CCDC91: variants seen among roughly 807,000 people sequenced by gnomAD.
The protein encoded by CCDC91 is coiled-coil domain containing 91.
A neutral mutation model predicts 63.2 loss-of-function variants in CCDC91; 48 were observed. The ratio of observed to expected loss-of-function variants is 0.76; its 90% confidence interval spans 0.60 to 0.97. The LOEUF (loss-of-function observed/expected upper bound fraction) is 0.97, where lower values mean the gene tolerates loss of function less well. Ranked by LOEUF, CCDC91 falls within the 50% of genes least tolerant of loss-of-function variation. The pLI is 0.00. For missense variants in CCDC91, 500 were observed against 494.6 expected, an observed-to-expected ratio of 1.01 and a Z score of -0.10; for synonymous variants, 167 against 165.8, an observed-to-expected ratio of 1.01 and a Z score of -0.06.
At chr12:28,524,417 A>G (rs1941062454) in intron 12 of CCDC91, among the ~76,000 whole-genome samples, 1 of 152,086 alleles carries the variant, frequency 6.6e-6, no homozygotes, top group Admixed American at 6.6e-5. Flanking sequence ...TGACTTGCAT[A>G]TGTTAAACTA....
intron 11 of CCDC91, among the ~76,000 whole-genome samples, chr12:28,479,564 G>A (rs1036639036): frequency 3.9e-5 from 6 of 152,076 alleles, no homozygotes; most frequent in Non-Finnish European, 7.4e-5. Context: ...GTATACATAT[G>A]TAACAAACCT....
intron 3 of CCDC91, among the ~76,000 whole-genome samples, chr12:28,294,568 GAGTCAGTTAAAC>G (rs1234017195): frequency 6.6e-6 from 1 of 151,976 alleles, no homozygotes; most frequent in Non-Finnish European, 1.5e-5. Flanking sequence ...GTGGAACAGT[GAGTCAGTTAAAC>G]CTGCTTCCTC....
intron 11 of CCDC91, among the ~76,000 whole-genome samples, chr12:28,467,674 C>G (rs1950610399): frequency 6.6e-6 from 1 of 152,066 alleles, no homozygotes. Flanking sequence ...CTCCTCAGCA[C>G]ATAGATCATT....
intron 8 of CCDC91, among the ~76,000 whole-genome samples, chr12:28,445,812 C>T (rs971599314): frequency 3.3e-5 from 5 of 151,894 alleles, no homozygotes; most frequent in African/African-American, 9.7e-5. Context: ...AGAGAGAATA[C>T]GCGAGTGCTC....
intron 12 of CCDC91, among the ~76,000 whole-genome samples, chr12:28,494,146 A>G (rs751256974): frequency 5.9e-5 from 9 of 151,650 alleles, no homozygotes; most frequent in Non-Finnish European, 1.0e-4. Context: ...GGATTCCTCT[A>G]TTAGAACTTT....
At chr12:28,288,440 G>T (rs946177339) in intron 3 of CCDC91, among the ~76,000 whole-genome samples, 1 of 151,794 alleles carries the variant, frequency 6.6e-6, no homozygotes, top group Non-Finnish European at 1.5e-5. Flanking sequence ...GCCTTTTTTT[G>T]CATCTATTGA....
rs1286754872 is a variant in CCDC91 at position 28,422,430 on chromosome 12, A to T, written c.763-27731A>T. Among the ~76,000 whole-genome samples, 5 of 152,040 alleles carry T rather than the reference A, an allele frequency of 3.3e-5. No homozygotes were observed. In the East Asian group the frequency reaches 9.6e-4, roughly 29 times the overall value. On this transcript the variant is annotated intron_variant, in intron 8 of 12. Coordinates refer to ENST00000536442, the MANE Select transcript of CCDC91 (RefSeq NM_018318.5). The stretch of plus-strand genomic sequence containing the variant: ...TGTATACAGTGGTTATAAAAATAAT[A>T]CTAATTTTATTACTTTTGGTGTTAT...
chr12:28,394,213 T>C (rs751810015), intron 8 of CCDC91, among the ~76,000 whole-genome samples: 3 of 152,146 alleles, frequency 2.0e-5, no homozygotes, highest in Non-Finnish European at 4.4e-5. Context: ...ACGCCTGTAA[T>C]CCCAGCACTT....
At chr12:28,372,903 G>C (rs1592467438) in intron 7 of CCDC91, among the ~76,000 whole-genome samples, 1 of 152,184 alleles carries the variant, frequency 6.6e-6, no homozygotes, top group East Asian at 1.9e-4. Flanking sequence ...TCCTTGTCTT[G>C]TTTCAGGTCT....
intron 12 of CCDC91, among the ~76,000 whole-genome samples, chr12:28,545,908 A>G (rs1312363738): frequency 6.6e-6 from 1 of 152,144 alleles, no homozygotes; most frequent in Admixed American, 6.6e-5. Flanking sequence ...TATTCCCTCA[A>G]AAGGAGAAAA....
chr12:28,517,411 G>C (rs1940071875), intron 12 of CCDC91, among the ~76,000 whole-genome samples: 1 of 151,882 alleles, frequency 6.6e-6, no homozygotes, highest in African/African-American at 2.4e-5. Flanking sequence ...TGAACAGACT[G>C]ACTTTTCTGT....
chr12:28,401,381 A>T (rs917718885), intron 8 of CCDC91, among the ~76,000 whole-genome samples: 36 of 152,174 alleles, frequency 2.4e-4, no homozygotes, highest in Admixed American at 1.9e-3. Flanking sequence ...CAAGAACAGT[A>T]TAAGGATAAC....
chr12:28,357,014 G>A (rs1943570834), intron 6 of CCDC91, among the ~76,000 whole-genome samples: 1 of 152,154 alleles, frequency 6.6e-6, no homozygotes, highest in Admixed American at 6.5e-5. Flanking sequence ...TAATTTCTTA[G>A]AAGTGATTAG....
At chr12:28,304,739 TA>T in intron 3 of CCDC91, 8 of 903,694 alleles carry the variant, frequency 8.9e-6, no homozygotes, top group Non-Finnish European at 1.2e-5. Flanking sequence ...AGTTAAAATG[TA>T]TAAATGGGCT....
At chr12:28,488,917 A>T (rs1390159522) in intron 12 of CCDC91, among the ~76,000 whole-genome samples, 1 of 151,910 alleles carries the variant, frequency 6.6e-6, no homozygotes, top group Non-Finnish European at 1.5e-5. Context: ...ACTGCAACTC[A>T]TGGGTCAAAT....
chr12:28,305,254 G>T (rs549011835), intron 3 of CCDC91, among the ~76,000 whole-genome samples: 47 of 151,932 alleles, frequency 3.1e-4, no homozygotes, highest in African/African-American at 1.1e-3. Flanking sequence ...GACTGGCACT[G>T]GTAGGTACTC....
intron 3 of CCDC91, among the ~76,000 whole-genome samples, chr12:28,275,995 A>G (rs1028778559): frequency 2.0e-5 from 3 of 152,128 alleles, no homozygotes; most frequent in African/African-American, 4.8e-5. Flanking sequence ...GCTATCTATG[A>G]CAAACCCACA....
intron 3 of CCDC91, among the ~76,000 whole-genome samples, chr12:28,289,069 C>T (rs1949066803): frequency 6.6e-6 from 1 of 151,762 alleles, no homozygotes; most frequent in Non-Finnish European, 1.5e-5. Context: ...TGGATCATTA[C>T]TTTTTTTCTT....
chr12:28,351,339 C>G (rs1943167201), intron 6 of CCDC91, among the ~76,000 whole-genome samples: 1 of 152,148 alleles, frequency 6.6e-6, no homozygotes, highest in Non-Finnish European at 1.5e-5. Context: ...AAAGGAATCA[C>G]CAGTTCCAAA....
Sources: allele counts gnomAD v4.1 joint callset (sites outside exome capture counted in the v4.1 genomes callset), GRCh38; gene constraint gnomAD v4.1.1; transcripts MANE v1.5; gene names NCBI Gene and HGNC (gene_info 2026-07-23, HGNC 2026-07-21).